The following RBFOX1 variants were observed in gnomAD, a reference collection of about 807,000 sequenced individuals.
The protein encoded by RBFOX1 is RNA binding protein fox-1 homolog 1.
In RBFOX1, 8 loss-of-function variants were observed where a neutral mutation model predicts 57.7. That is an observed-to-expected ratio of 0.14 (90% confidence interval 0.08 to 0.25). The LOEUF (loss-of-function observed/expected upper bound fraction) is 0.25. Among genes scored for constraint, RBFOX1 ranks in the 10% least tolerant of loss-of-function variants. RBFOX1 has a pLI of 1.00. For synonymous variants in RBFOX1, 326 were observed against 222.4 expected (o/e 1.47, Z -4.15); for missense variants, 611 against 548.5 (o/e 1.11, Z -1.14).
At chr16:5,721,633 C>T (rs1309618961) in intron 3 of RBFOX1, among the ~76,000 whole-genome samples, 1 of 152,128 alleles carries the variant, frequency 6.6e-6, no homozygotes. Flanking sequence ...ATTTTGAAAA[C>T]ATTCTCTTAT....
intron 4 of RBFOX1, among the ~76,000 whole-genome samples, chr16:5,920,616 C>A (rs1158963601): frequency 6.6e-6 from 1 of 152,126 alleles, no homozygotes. Context: ...GAGGAGGAAG[C>A]ACCCTTCCAG....
At chr16:6,521,948 C>T (rs144081235) in intron 2 of RBFOX1, among the ~76,000 whole-genome samples, 29 of 152,182 alleles carry the variant, frequency 1.9e-4, no homozygotes, top group African/African-American at 7.0e-4. Flanking sequence ...TTTTGCAGGG[C>T]TCAGGAATTA....
intron 15 of RBFOX1, 116 bp downstream of exon 15, chr16:7,709,247 G>C (rs1217589841): frequency 1.8e-6 from 2 of 1,098,914 alleles, no homozygotes; most frequent in Non-Finnish European, 2.6e-6. Context: ...TTTGTCTCTT[G>C]TGCTAACAGC....
intron 3 of RBFOX1, among the ~76,000 whole-genome samples, chr16:5,761,126 G>T (rs1482361639): frequency 6.6e-6 from 1 of 152,114 alleles, no homozygotes; most frequent in Non-Finnish European, 1.5e-5. Context: ...AAGATGAAGG[G>T]GTAGTGTTTC....
At chr16:7,246,657 A>G (rs1182848006) in intron 4 of RBFOX1, among the ~76,000 whole-genome samples, 1 of 43,922 alleles carries the variant, frequency 2.3e-5, no homozygotes, top group East Asian at 6.1e-4. Context: ...TTTTTTTTTT[A>G]CTGAGTTTGA....
intron 2 of RBFOX1, among the ~76,000 whole-genome samples, chr16:5,529,406 T>C (rs1173261863): frequency 8.1e-6 from 1 of 122,854 alleles, no homozygotes; most frequent in Non-Finnish European, 1.7e-5. Context: ...TTTTTTTTTT[T>C]TTTAATTTGA....
chr16:6,258,432 G>A lies in RBFOX1; in HGVS notation c.-126-58563G>A, dbSNP rs552338417. Reference sequence around the variant, plus strand: ...TGAGTGTGTTTTTGATTGTGTGCCCGTGTGTGCACATGAGCATGAGTGCAT... The same window carrying A: ...TGAGTGTGTTTTTGATTGTGTGCCCATGTGTGCACATGAGCATGAGTGCAT... On this transcript the variant is annotated intron_variant, in intron 1 of 15. Transcript: ENST00000550418. Among the ~76,000 whole-genome samples the A allele has an allele frequency of 5.9e-5, 9 of 152,242 alleles. No homozygotes were observed. The South Asian group carries it at 1.9e-3, about 32-fold the overall frequency.
chr16:6,599,844 A>G (rs1321045987), intron 2 of RBFOX1, among the ~76,000 whole-genome samples: 3 of 152,226 alleles, frequency 2.0e-5, no homozygotes, highest in African/African-American at 7.2e-5. Context: ...AGCTGTGAGC[A>G]TTACATGAGC....
chr16:7,303,513 C>T (rs186660641), intron 4 of RBFOX1, among the ~76,000 whole-genome samples: 6 of 152,292 alleles, frequency 3.9e-5, no homozygotes, highest in African/African-American at 1.4e-4. Flanking sequence ...GCCTGCTCAC[C>T]GGCAGAGGGT....
intron 2 of RBFOX1, among the ~76,000 whole-genome samples, chr16:6,494,663 C>T (rs530339560): frequency 1.4e-4 from 22 of 152,306 alleles, no homozygotes; most frequent in African/African-American, 1.2e-4. Context: ...TTTGCGTGAC[C>T]GTGAGTTTCA....
chr16:5,951,373 G>A (rs545583684), intron 4 of RBFOX1, among the ~76,000 whole-genome samples: 84 of 152,204 alleles, frequency 5.5e-4, no homozygotes, highest in African/African-American at 2.0e-3. Flanking sequence ...GCTTGAACCC[G>A]GGAGGCAGAG....
At chr16:5,276,363 A>G (rs1251294411) in intron 1 of RBFOX1, among the ~76,000 whole-genome samples, 1 of 152,222 alleles carries the variant, frequency 6.6e-6, no homozygotes, top group Non-Finnish European at 1.5e-5. Flanking sequence ...AAGTGTGCCA[A>G]GGACATGAAT....
intron 1 of RBFOX1, among the ~76,000 whole-genome samples, chr16:6,187,199 AC>A (rs1382751906): frequency 6.6e-6 from 1 of 152,154 alleles, no homozygotes; most frequent in East Asian, 1.9e-4. Context: ...GGAAACAGGA[AC>A]CCTTTGGATG....
At chr16:5,507,768 A>G (rs1010586959) in intron 2 of RBFOX1, among the ~76,000 whole-genome samples, 3 of 152,164 alleles carry the variant, frequency 2.0e-5, no homozygotes, top group Non-Finnish European at 4.4e-5. Flanking sequence ...ACAGAGGCAG[A>G]GGTGGGAGAG....
At chr16:7,088,534 G>GT (rs1451971751) in intron 4 of RBFOX1, among the ~76,000 whole-genome samples, 1 of 65,594 alleles carries the variant, frequency 1.5e-5, no homozygotes, top group African/African-American at 3.4e-5. Context: ...CTCTGTAGTT[G>GT]TTTTTTGTTG....
intron 10 of RBFOX1, among the ~76,000 whole-genome samples, chr16:7,622,814 G>A (rs1027594115): frequency 3.3e-5 from 5 of 152,116 alleles, no homozygotes; most frequent in African/African-American, 1.2e-4. Flanking sequence ...GTGCCCAAAT[G>A]GAAATATCCC....
chr16:7,228,938 T>C (rs1002652417), intron 4 of RBFOX1, among the ~76,000 whole-genome samples: 5 of 152,112 alleles, frequency 3.3e-5, no homozygotes, highest in African/African-American at 1.2e-4. Context: ...GTAGAGAGTA[T>C]AATAATATTA....
At chr16:5,935,129 G>C (rs1597855852) in intron 4 of RBFOX1, among the ~76,000 whole-genome samples, 1 of 152,194 alleles carries the variant, frequency 6.6e-6, no homozygotes. Flanking sequence ...GGCCTTCCAA[G>C]AAGGCTTGTG....
intron 3 of RBFOX1, among the ~76,000 whole-genome samples, chr16:7,005,915 C>A (rs773930045): frequency 6.6e-6 from 1 of 152,172 alleles, no homozygotes; most frequent in Non-Finnish European, 1.5e-5. Flanking sequence ...TATAATTGGT[C>A]TTTCTGACAG....
Sources: allele counts gnomAD v4.1 joint callset (sites outside exome capture counted in the v4.1 genomes callset), GRCh38; gene constraint gnomAD v4.1.1; transcripts MANE v1.5; gene names NCBI Gene and HGNC (gene_info 2026-07-23, HGNC 2026-07-21).